The following TMC3 variants were observed in gnomAD, a reference collection of about 807,000 sequenced individuals.
The protein encoded by TMC3 is transmembrane channel-like protein 3.
TMC3 carries 98 observed loss-of-function variants against 110.6 expected under a neutral mutation model. The observed-to-expected ratio is 0.89, with a 90% CI of 0.75 to 1.05. TMC3 has a LOEUF of 1.05. TMC3 is among the 50% of genes least tolerant of loss of function. TMC3 has a pLI of 0.00. For synonymous variants in TMC3, 489 were observed against 513.1 expected (o/e 0.95, Z 0.63); for missense variants, 1,319 against 1,373.2 (o/e 0.96, Z 0.62).
intron 16 of TMC3, among the ~76,000 whole-genome samples, chr15:81,341,126 G>A (rs755730839): frequency 7.9e-5 from 12 of 152,284 alleles, no homozygotes; most frequent in East Asian, 7.7e-4. Context: ...AAACATTTAC[G>A]ATTTGTGTAC....
chr15:81,358,510 G>A lies in TMC3; in HGVS notation c.502-10C>T, dbSNP rs1221741104. 1.2e-6 allele frequency: 2 copies of A among 1,601,744 alleles called. No individual in the cohort carries two copies. The highest frequency in any genetic ancestry group is 4.5e-5 in the East Asian group (2 of 44,434). On this transcript the variant is annotated splice_polypyrimidine_tract_variant and intron_variant, in intron 5 of 21. Transcript: ENST00000359440. Reference sequence around the variant, plus strand: ...GCTGGCCTGCAATCAGCTGGTGAGAGAAGAAAGCATGTCATGTGGTCCTCT... The same window carrying A: ...GCTGGCCTGCAATCAGCTGGTGAGAAAAGAAAGCATGTCATGTGGTCCTCT...
At chr15:81,357,261 C>G (rs1894085157) in intron 7 of TMC3, among the ~76,000 whole-genome samples, 1 of 152,062 alleles carries the variant, frequency 6.6e-6, no homozygotes, top group South Asian at 2.1e-4. Context: ...CTGAAGGCCC[C>G]TAGGTCATTA....
At chr15:81,340,970 C>G (rs1037747339) in intron 16 of TMC3, among the ~76,000 whole-genome samples, 3 of 152,188 alleles carry the variant, frequency 2.0e-5, no homozygotes, top group Non-Finnish European at 2.9e-5. Context: ...ACGTTTACAT[C>G]AAGTAAAACC....
chr15:81,349,393 C>G, intron 11 of TMC3, 65 bp downstream of exon 11: 1 of 1,074,132 alleles, frequency 9.3e-7, no homozygotes. Context: ...GAGGCACTTA[C>G]ATTCCCACTG....
chr15:81,343,231 G>T, intron 15 of TMC3, 47 bp downstream of exon 15: 2 of 1,214,774 alleles, frequency 1.6e-6, no homozygotes, highest in Non-Finnish European at 2.4e-6. Flanking sequence ...TAAAATCTTA[G>T]CCCAGATGAG....
intron 16 of TMC3, among the ~76,000 whole-genome samples, chr15:81,339,927 G>C (rs2050103027): frequency 6.6e-6 from 1 of 152,158 alleles, no homozygotes; most frequent in South Asian, 2.1e-4. Flanking sequence ...TCTCGGGATG[G>C]TTTGGCTCTT....
Position 81,351,600 on chromosome 15 carries a change from C to T in TMC3, c.1083+94G>A, listed in dbSNP as rs1027800368. 1.5e-5 allele frequency: 22 copies of T among 1,458,506 alleles called. 1 individual carries two copies. The Admixed American group carries it at 4.1e-4, about 27-fold the overall frequency. The allele number at this position is 1,458,506 out of a possible 1,614,324, so 90.3% of individuals were successfully genotyped here. On this transcript the variant is annotated intron_variant, in intron 10 of 21. Coordinates refer to ENST00000359440, the MANE Select transcript of TMC3 (RefSeq NM_001080532.3). Reference sequence around the variant, plus strand: ...CTCCTGACCTCAAGTGATCCACCTGCCCCAGCCTCCCAAAGTGCTGGGATT... The same window carrying T: ...CTCCTGACCTCAAGTGATCCACCTGTCCCAGCCTCCCAAAGTGCTGGGATT...
In TMC3 at chr15:81,344,775, G is replaced by A. The variant is rs200293124; in HGVS notation, c.1509C>T (p.Tyr503=). The change falls in exon 13 of 22, where the codon TAC becomes TAT. Residue 503 remains tyrosine, a synonymous_variant. Coordinates refer to ENST00000359440, the MANE Select transcript of TMC3 (RefSeq NM_001080532.3). ...QSPQDQCWET[Y]VGQEMLKLSI... Reference sequence around the variant, plus strand: ...GGGTAAAGAGAACCACCTGACCAACGTATGTCTCCCAGCACTGGTCTTGTG... The same window carrying A: ...GGGTAAAGAGAACCACCTGACCAACATATGTCTCCCAGCACTGGTCTTGTG... The A allele has an allele frequency of 3.8e-4, 609 of 1,613,682 alleles. No homozygotes were observed. Among genetic ancestry groups the A allele is most frequent in the Non-Finnish European group, 4.6e-4 (542 of 1,179,862 alleles).
chr15:81,344,269 T>C (rs951314433), intron 13 of TMC3, among the ~76,000 whole-genome samples: 1 of 152,218 alleles, frequency 6.6e-6, no homozygotes, highest in African/African-American at 2.4e-5. Flanking sequence ...ATTCGAATTT[T>C]GATATCTGAG....
chr15:81,339,862 G>A (rs1247371162), intron 16 of TMC3, among the ~76,000 whole-genome samples: 1 of 152,118 alleles, frequency 6.6e-6, no homozygotes, highest in African/African-American at 2.4e-5. Flanking sequence ...CATCCATCTG[G>A]GTCCTTACCT....
At chr15:81,362,130 A>G (rs1468307741) in intron 4 of TMC3, 90 bp downstream of exon 4, 36 of 1,202,634 alleles carry the variant, frequency 3.0e-5, no homozygotes, top group South Asian at 2.7e-4. Flanking sequence ...GCTGCACAGC[A>G]TAAGGACCAG....
In TMC3 at chr15:81,349,451, G is replaced by A. The variant is rs1457376997; in HGVS notation, c.1193+7C>T. ...ACAGGTGGCATTTCTGGGCAGGACT[G>A]TTGTACCTTGCAAGCTGGAAGCGCA... On this transcript the variant is annotated splice_region_variant and intron_variant, in intron 11 of 21. Coordinates refer to ENST00000359440, the MANE Select transcript of TMC3 (RefSeq NM_001080532.3). The A allele has an allele frequency of 4.0e-6, 6 of 1,493,814 alleles. No homozygotes were observed. In the South Asian group the frequency reaches 4.2e-5, roughly 11 times the overall value. 92.5% of individuals were successfully genotyped at this position (1,493,814 alleles called of 1,614,324 possible).
rs752196467 is a variant in TMC3 at position 81,334,870 on chromosome 15, T to A, written c.2309A>T (p.Asn770Ile). 2 of 1,614,012 alleles carry A rather than the reference T, an allele frequency of 1.2e-6. No homozygotes were observed. Among genetic ancestry groups the A allele is most frequent in the Middle Eastern group, 1.6e-4 (1 of 6,062 alleles). Residue 770 changes from asparagine to isoleucine, a missense_variant, in exon 21 of 22, where the codon AAC becomes ATC. Transcript: ENST00000359440. The stretch of plus-strand genomic sequence containing the variant: ...GCTCCCTGAGTCAAAATGGGCCACG[T>A]TGCCGTTGTTTTGGGGTGTGCCCGA... The part of the protein sequence containing the change: ...AHSGTPQNNG[N>I]VAHFDSGSSK...
chr15:81,357,536 C>T (rs1894091558), intron 7 of TMC3, among the ~76,000 whole-genome samples: 1 of 152,014 alleles, frequency 6.6e-6, no homozygotes, highest in South Asian at 2.1e-4. Flanking sequence ...AGATGAGGCT[C>T]AGGGAAGGAA....
intron 17 of TMC3, 89 bp from the exon 18 acceptor site, chr15:81,338,869 G>C: frequency 1.4e-6 from 2 of 1,426,424 alleles, no homozygotes; most frequent in Non-Finnish European, 1.9e-6. Flanking sequence ...ATGCCTGGAG[G>C]CCAATTCATA....
intron 9 of TMC3, 22 bp from the exon 10 acceptor site, chr15:81,351,863 A>G (rs1364804788): frequency 6.2e-7 from 1 of 1,610,742 alleles, no homozygotes; most frequent in Non-Finnish European, 8.5e-7. Context: ...AACAGGCATG[A>G]GAACGGTACA....
At position 81,332,560 on chromosome 15, in the gene TMC3, G is replaced by A; in HGVS notation, c.3162C>T (p.Asn1054=). The stretch of plus-strand genomic sequence containing the variant: ...CCTGCAGGTACTGGTCAGCGCTGCT[G>A]TTCTGCTGGTCACTGCTGGATGCTG... ...VSAASSSDQQ[N]SSADQYLQVT... The change falls in exon 22 of 22, where the codon AAC becomes AAT. Residue 1054 remains asparagine (N), a synonymous_variant. Transcript: ENST00000359440. The A allele has an allele frequency of 6.2e-7, 1 of 1,614,020 alleles. No homozygotes were observed. Among genetic ancestry groups the A allele is most frequent in the Non-Finnish European group, 8.5e-7 (1 of 1,179,898 alleles).
rs543647246 is a variant in TMC3 at position 81,336,705 on chromosome 15, A to G, written c.2161-54T>C. 5.6e-5 allele frequency: 88 copies of G among 1,558,940 alleles called. 2 individuals carry two copies. In the South Asian group the frequency reaches 9.3e-4, roughly 17 times the overall value. ...TTTGGCTTTAGCAGGAAGCAGTAAC[A>G]AATATTATTCCTGGGGGAAGAGAAA... On this transcript the variant is annotated intron_variant, in intron 19 of 21. Coordinates refer to ENST00000359440, the MANE Select transcript of TMC3 (RefSeq NM_001080532.3).
chr15:81,350,898 G>T (rs867435188), intron 10 of TMC3, among the ~76,000 whole-genome samples: 37 of 152,126 alleles, frequency 2.4e-4, no homozygotes, highest in Non-Finnish European at 4.3e-4. Flanking sequence ...ACGGGGGTTG[G>T]GGGGGAGAAG....
Sources: gnomAD v4.1 joint callset for allele counts (sites outside exome capture counted in the v4.1 genomes callset) on GRCh38, gnomAD v4.1.1 for gene constraint, MANE v1.5 for transcripts, NCBI Gene and HGNC (gene_info 2026-07-23, HGNC 2026-07-21) for gene names.